DLGAP4: variants seen among roughly 807,000 people sequenced by gnomAD.
The protein encoded by DLGAP4 is disks large-associated protein 4.
Under a neutral mutation model 86.9 loss-of-function variants are expected in DLGAP4, and 18 were observed. The observed-to-expected ratio is 0.21, with a 90% CI of 0.14 to 0.31. The LOEUF is 0.31. DLGAP4 is among the 10% of genes least tolerant of loss of function. The pLI, the probability that DLGAP4 is intolerant of heterozygous loss-of-function variation, is 1.00. For synonymous variants in DLGAP4, 548 were observed against 574.3 expected (o/e 0.95, Z 0.65); for missense variants, 1,085 against 1,362.6 (o/e 0.80, Z 3.21).
intron 1 of DLGAP4, among the ~76,000 whole-genome samples, chr20:36,327,886 C>T (rs1490263006): frequency 1.2e-4 from 18 of 148,858 alleles, no homozygotes; most frequent in Non-Finnish European, 2.1e-4. Flanking sequence ...CCACCGCGCC[C>T]GGCAAGAATT....
chr20:36,457,105 T>C (rs1395787166), intron 7 of DLGAP4, among the ~76,000 whole-genome samples: 4 of 152,120 alleles, frequency 2.6e-5, no homozygotes, highest in Non-Finnish European at 5.9e-5. Context: ...GTGTGGTTTG[T>C]TGGTAGTTGG....
intron 4 of DLGAP4, among the ~76,000 whole-genome samples, chr20:36,438,031 G>A (rs2033337076): frequency 6.6e-6 from 1 of 152,146 alleles, no homozygotes; most frequent in South Asian, 2.1e-4. Flanking sequence ...AGCATCCCGA[G>A]TAGCTGGGAC....
At chr20:36,497,775 A>G (rs2035951974) in intron 8 of DLGAP4, 2 of 279,430 alleles carry the variant, frequency 7.2e-6, no homozygotes, top group Non-Finnish European at 1.1e-5. Flanking sequence ...CTTCCCCTCC[A>G]CTGCTTCATT....
intron 10 of DLGAP4, among the ~76,000 whole-genome samples, chr20:36,522,239 T>G (rs911621066): frequency 5.3e-5 from 8 of 152,038 alleles, no homozygotes; most frequent in Admixed American, 6.6e-5. Flanking sequence ...ACTGCAGCCT[T>G]GAAACCCTGG....
chr20:36,481,483 G>T (rs1285138897), intron 7 of DLGAP4, among the ~76,000 whole-genome samples: 2 of 152,178 alleles, frequency 1.3e-5, no homozygotes, highest in Non-Finnish European at 2.9e-5. Flanking sequence ...CGCCCCGTTT[G>T]TGACAAGTCC....
rs1600547922 is a variant in DLGAP4, at chr20:36,451,230, T to C, written c.1648+4293T>C. Among the ~76,000 whole-genome samples the C allele has an allele frequency of 8.5e-5, 13 of 152,328 alleles. No individual in the cohort carries two copies. In the South Asian group the frequency reaches 2.7e-3, roughly 32 times the overall value. ...CGAGTGCCAAAAGCCATACCCATAA[T>C]TGTTTTTGAGTCATGCCTCTCTCTT... On this transcript the variant is annotated intron_variant, in intron 7 of 12. Coordinates refer to ENST00000339266, the MANE Select transcript of DLGAP4 (RefSeq NM_001365621.2).
intron 7 of DLGAP4, among the ~76,000 whole-genome samples, chr20:36,449,423 G>A (rs902632873): frequency 2.6e-5 from 4 of 152,132 alleles, no homozygotes; most frequent in African/African-American, 7.2e-5. Flanking sequence ...TACAGCCTCC[G>A]AAAATACAGA....
chr20:36,520,055 A>G (rs1216868310), intron 10 of DLGAP4, among the ~76,000 whole-genome samples: 6 of 151,402 alleles, frequency 4.0e-5, no homozygotes, highest in Admixed American at 1.3e-4. Context: ...TCGGCCTCCT[A>G]AAGTTCTGGG....
At chr20:36,493,949 CT>C (rs2035775218) in intron 7 of DLGAP4, among the ~76,000 whole-genome samples, 2 of 152,238 alleles carry the variant, frequency 1.3e-5, no homozygotes, top group Admixed American at 1.3e-4. Context: ...GCAGTTGCTC[CT>C]CTTCGCTGAG....
intron 1 of DLGAP4, among the ~76,000 whole-genome samples, chr20:36,315,266 C>T (rs2065088310): frequency 6.6e-6 from 1 of 151,798 alleles, no homozygotes; most frequent in African/African-American, 2.4e-5. Context: ...GAGTGACAGG[C>T]ACTGTGACCC....
At chr20:36,399,103 G>A (rs1357831388) in intron 2 of DLGAP4, among the ~76,000 whole-genome samples, 1 of 152,188 alleles carries the variant, frequency 6.6e-6, no homozygotes, top group Non-Finnish European at 1.5e-5. Context: ...TGAGGCACAA[G>A]AATTTCTTGA....
chr20:36,496,481 T>G (rs536014177), intron 7 of DLGAP4, among the ~76,000 whole-genome samples: 24 of 152,244 alleles, frequency 1.6e-4, no homozygotes, highest in Non-Finnish European at 2.4e-4. Context: ...TGGCATCCCC[T>G]CAAGACTTTG....
chr20:36,515,686 A>G (rs1284571217), intron 10 of DLGAP4, among the ~76,000 whole-genome samples: 1 of 152,144 alleles, frequency 6.6e-6, no homozygotes, highest in Non-Finnish European at 1.5e-5. Context: ...GGGCCTCCCA[A>G]AGTGTTGGAA....
chr20:36,478,655 T>C lies in DLGAP4; in HGVS notation c.1649-18050T>C, dbSNP rs147892242. On this transcript the variant is annotated intron_variant, in intron 7 of 12. Transcript: ENST00000339266. ...TATCTACAGCAGCTTCTAAGCTTTG[T>C]AGGAATGTATGTGTCAGTCTTGCCG... Among the ~76,000 whole-genome samples, 3 of 152,304 alleles carry C rather than the reference T, an allele frequency of 2.0e-5. No homozygotes were observed. The East Asian group carries it at 5.8e-4, about 29-fold the overall frequency.
chr20:36,444,716 C>T (rs1319116499), intron 6 of DLGAP4, among the ~76,000 whole-genome samples: 3 of 152,178 alleles, frequency 2.0e-5, no homozygotes, highest in African/African-American at 7.2e-5. Context: ...TCTTGGCTCA[C>T]TGCAACCTCC....
intron 10 of DLGAP4, among the ~76,000 whole-genome samples, chr20:36,522,146 C>T (rs2037416953): frequency 6.6e-6 from 1 of 151,966 alleles, no homozygotes; most frequent in Admixed American, 6.6e-5. Context: ...TTGCTGCAGT[C>T]CACACTCTTT....
intron 10 of DLGAP4, among the ~76,000 whole-genome samples, chr20:36,510,668 C>T (rs2036641307): frequency 6.6e-6 from 1 of 152,118 alleles, no homozygotes; most frequent in African/African-American, 2.4e-5. Context: ...GCCTCGGCCT[C>T]CCAAAGTCCT....
chr20:36,474,323 G>T (rs544727322), intron 7 of DLGAP4, among the ~76,000 whole-genome samples: 3 of 152,158 alleles, frequency 2.0e-5, no homozygotes, highest in Non-Finnish European at 1.5e-5. Context: ...AATGCTCTGC[G>T]TGAGGGAAGG....
At chr20:36,327,490 G>A (rs1245701019) in intron 1 of DLGAP4, among the ~76,000 whole-genome samples, 1 of 152,098 alleles carries the variant, frequency 6.6e-6, no homozygotes, top group Non-Finnish European at 1.5e-5. Flanking sequence ...GCTTGGTGAA[G>A]GCCACTCTTG....
Sources: gnomAD v4.1 joint callset for allele counts (sites outside exome capture counted in the v4.1 genomes callset) on GRCh38, gnomAD v4.1.1 for gene constraint, MANE v1.5 for transcripts, NCBI Gene and HGNC (gene_info 2026-07-23, HGNC 2026-07-21) for gene names.